Variants in RERE observed in about 807,000 individuals in gnomAD.
RERE encodes the protein arginine-glutamic acid dipeptide repeats protein.
A neutral mutation model predicts 146.1 loss-of-function variants in RERE; 40 were observed. That is an observed-to-expected ratio of 0.27 (90% CI 0.21 to 0.36). The LOEUF (loss-of-function observed/expected upper bound fraction) is 0.36. Ranked by LOEUF, RERE falls within the 10% of genes least tolerant of loss-of-function variation. The pLI, the probability that RERE is intolerant of heterozygous loss-of-function variation, is 1.00. For synonymous variants in RERE, 1,003 were observed against 866.0 expected, an observed-to-expected ratio of 1.16 and a Z score of -2.78; for missense variants, 1,933 against 2,138.7, an observed-to-expected ratio of 0.90 and a Z score of 1.90.
intron 1 of RERE, among the ~76,000 whole-genome samples, chr1:8,747,187 G>C (rs1569700773): frequency 1.3e-5 from 2 of 152,002 alleles, no homozygotes. Flanking sequence ...ATTTTTAGTA[G>C]AGACAGGGTT....
At chr1:8,417,122 G>A (rs911295829) in intron 12 of RERE, among the ~76,000 whole-genome samples, 3 of 152,166 alleles carry the variant, frequency 2.0e-5, no homozygotes, top group African/African-American at 7.2e-5. Context: ...GCATTAATGA[G>A]GCTAGGAAAA....
At chr1:8,436,909 G>A (rs1644177403) in intron 11 of RERE, among the ~76,000 whole-genome samples, 3 of 152,092 alleles carry the variant, frequency 2.0e-5, no homozygotes, top group Admixed American at 2.0e-4. Context: ...AGAGACCAGT[G>A]GTTACCACAT....
intron 2 of RERE, among the ~76,000 whole-genome samples, chr1:8,654,028 CTT>C (rs879596794): frequency 9.9e-5 from 14 of 140,786 alleles, no homozygotes; most frequent in South Asian, 2.2e-4. Flanking sequence ...CTAGCACTGA[CTT>C]TTTTTTTTTT....
At chr1:8,723,829 A>G (rs1444679966) in intron 1 of RERE, among the ~76,000 whole-genome samples, 2 of 152,260 alleles carry the variant, frequency 1.3e-5, no homozygotes, top group Non-Finnish European at 2.9e-5. Flanking sequence ...GAAACCAGAA[A>G]CAACCTACTT....
chr1:8,714,342 G>C (rs987189619), intron 1 of RERE, among the ~76,000 whole-genome samples: 1 of 152,122 alleles, frequency 6.6e-6, no homozygotes, highest in Non-Finnish European at 1.5e-5. Context: ...GCCCATACTG[G>C]CTTTCAGTTG....
Position 8,677,490 on chromosome 1 carries a change from C to CCCATG in RERE, c.-144-21054_-144-21050dup, listed in dbSNP as rs1638870792. Among the ~76,000 whole-genome samples the CCCATG allele has an allele frequency of 2.0e-5, 3 of 149,646 alleles. No homozygotes were observed. In the South Asian group the frequency reaches 6.3e-4, roughly 32 times the overall value. The stretch of plus-strand genomic sequence containing the variant: ...AAAAAGAAATTGTTGATGCTTCCAA[C>CCCATG]CCATGCCATGCCATTCCTTAATTCC... On this transcript the variant is annotated intron_variant, in intron 1 of 22. Coordinates refer to ENST00000400908, the MANE Select transcript of RERE (RefSeq NM_001042681.2).
chr1:8,362,924 AAGCCTGAAGGCACACCCTATC>A, intron 15 of RERE, 80 bp from the exon 16 acceptor site: 1 of 1,494,310 alleles, frequency 6.7e-7, no homozygotes, highest in South Asian at 1.3e-5. Context: ...CCACAGGCAG[AAGCCTGAAGGCACACCCTATC>A]AGCCTCTCAG....
At chr1:8,445,832 C>T (rs1368632086) in intron 11 of RERE, among the ~76,000 whole-genome samples, 1 of 150,452 alleles carries the variant, frequency 6.6e-6, no homozygotes, top group African/African-American at 2.5e-5. Flanking sequence ...CCCGCCCCCA[C>T]CCCCCAACAG....
intron 7 of RERE, among the ~76,000 whole-genome samples, chr1:8,512,326 C>T (rs952253065): frequency 7.2e-5 from 11 of 152,094 alleles, no homozygotes; most frequent in Non-Finnish European, 4.4e-5. Flanking sequence ...AGCCACCGCG[C>T]CCGGCCAGGA....
intron 19 of RERE, among the ~76,000 whole-genome samples, chr1:8,359,323 C>A (rs926913454): frequency 3.3e-5 from 5 of 152,212 alleles, no homozygotes; most frequent in African/African-American, 1.2e-4. Flanking sequence ...AGCTGGCCAC[C>A]ACCACAGCAC....
At chr1:8,550,106 A>G (rs577350645) in intron 6 of RERE, among the ~76,000 whole-genome samples, 4 of 152,350 alleles carry the variant, frequency 2.6e-5, no homozygotes. Flanking sequence ...TTGTAGAAGA[A>G]GTTCACATTG....
chr1:8,445,808 C>CTA (rs1241225854), intron 11 of RERE, among the ~76,000 whole-genome samples: 1 of 151,924 alleles, frequency 6.6e-6, no homozygotes, highest in African/African-American at 2.4e-5. Context: ...TTTCCTAATG[C>CTA]TATCCCTCCC....
chr1:8,469,111 T>C (rs1234723997), intron 10 of RERE, among the ~76,000 whole-genome samples: 1 of 151,924 alleles, frequency 6.6e-6, no homozygotes, highest in African/African-American at 2.4e-5. Context: ...CATGTGAGGA[T>C]AATATTAGAA....
chr1:8,625,776 A>C (rs1026368719), intron 2 of RERE, among the ~76,000 whole-genome samples: 1 of 152,198 alleles, frequency 6.6e-6, no homozygotes, highest in African/African-American at 2.4e-5. Flanking sequence ...ACAAACCCCA[A>C]CAGACCAACT....
chr1:8,546,888 C>T (rs1490155267), intron 6 of RERE, among the ~76,000 whole-genome samples: 1 of 150,474 alleles, frequency 6.6e-6, no homozygotes, highest in Admixed American at 6.6e-5. Context: ...AGATTATTAG[C>T]TTAGGGGGAA....
chr1:8,501,223 C>T (rs1454489859), intron 8 of RERE, among the ~76,000 whole-genome samples: 9 of 131,760 alleles, frequency 6.8e-5, no homozygotes, highest in African/African-American at 2.1e-4. Context: ...GTCAGCCCCC[C>T]GCCCGGCCGG....
At chr1:8,430,588 C>T (rs531038765) in intron 11 of RERE, among the ~76,000 whole-genome samples, 1 of 152,314 alleles carries the variant, frequency 6.6e-6, no homozygotes, top group African/African-American at 2.4e-5. Flanking sequence ...AGTTTTAGGA[C>T]ATCACCATCC....
At chr1:8,683,958 T>C (rs1639031833) in intron 1 of RERE, among the ~76,000 whole-genome samples, 1 of 152,044 alleles carries the variant, frequency 6.6e-6, no homozygotes, top group South Asian at 2.1e-4. Flanking sequence ...AATCAATCAA[T>C]CAATCAAGCA....
chr1:8,681,857 G>A (rs560490205), intron 1 of RERE, among the ~76,000 whole-genome samples: 15 of 152,238 alleles, frequency 9.9e-5, no homozygotes, highest in South Asian at 2.1e-4. Context: ...AATGGAAGGC[G>A]AAATTGATTC....
Sources: gnomAD v4.1 joint callset for allele counts (sites outside exome capture counted in the v4.1 genomes callset) on GRCh38, gnomAD v4.1.1 for gene constraint, MANE v1.5 for transcripts, NCBI Gene and HGNC (gene_info 2026-07-23, HGNC 2026-07-21) for gene names.